The following ADCY7 variants were observed in gnomAD, a reference collection of about 807,000 sequenced individuals.
The protein encoded by ADCY7 is adenylate cyclase type 7.
In ADCY7, 72 loss-of-function variants were observed where a neutral mutation model predicts 120.6. That is an observed-to-expected ratio of 0.60 (90% CI 0.49 to 0.73). The LOEUF (loss-of-function observed/expected upper bound fraction) is 0.73, where lower values mean the gene tolerates loss of function less well. ADCY7 is among the 30% of genes least tolerant of loss of function. The probability of loss-of-function intolerance (pLI) is 0.00; values close to 1 mark genes in which losing one functional copy is unlikely to be tolerated. For synonymous variants in ADCY7, 661 were observed against 628.0 expected, an observed-to-expected ratio of 1.05 and a Z score of -0.78; for missense variants, 1,227 against 1,486.0, an observed-to-expected ratio of 0.83 and a Z score of 2.87.
chr16:50,275,736 T>C (rs2033845121), intron 1 of ADCY7, among the ~76,000 whole-genome samples: 1 of 152,206 alleles, frequency 6.6e-6, no homozygotes, highest in African/African-American at 2.4e-5. Context: ...CCTCAGGAAA[T>C]GCAGATAGAG....
chr16:50,261,287 G>A (rs1165488961), intron 1 of ADCY7, among the ~76,000 whole-genome samples: 3 of 152,184 alleles, frequency 2.0e-5, no homozygotes, highest in Non-Finnish European at 4.4e-5. Flanking sequence ...AAGGCTTCCT[G>A]GTAGAGGCGG....
chr16:50,317,913 CAAACAG>C lies in ADCY7; in HGVS notation c.*2411_*2416del, dbSNP rs959133905. The C allele has an allele frequency of 5.3e-5, 8 of 151,912 alleles. 1 individual carries two copies. The highest frequency in any genetic ancestry group is 4.6e-4 in the Admixed American group (7 of 15,240). 9.4% of individuals were successfully genotyped at this position (151,912 alleles called of 1,614,324 possible). A position where few individuals can be genotyped will look rare whatever the true frequency, so the allele number is the denominator to read the frequency against. On this transcript the variant is annotated 3_prime_UTR_variant, in exon 26 of 26. Transcript: ENST00000673801. ...ATTTCCTAACAAACAAACAAACAAACAAACAGAAGAGAAGATCATTAACCACTGTAT... is the reference window on the plus strand; with the variant it reads ...ATTTCCTAACAAACAAACAAACAAACAAGAGAAGATCATTAACCACTGTAT...
At chr16:50,255,426 T>G (rs1294159466) in intron 1 of ADCY7, among the ~76,000 whole-genome samples, 1 of 99,260 alleles carries the variant, frequency 1.0e-5, no homozygotes, top group Non-Finnish European at 2.0e-5. Context: ...AAAAAAGACG[T>G]ATCAACCAAT....
At chr16:50,313,687 T>C (rs541870147) in intron 22 of ADCY7, 4 of 407,730 alleles carry the variant, frequency 9.8e-6, no homozygotes, top group Non-Finnish European at 8.7e-6. Flanking sequence ...TACATTCCTG[T>C]GTAGATAATG....
chr16:50,286,272 A>G (rs2034572730), intron 1 of ADCY7, among the ~76,000 whole-genome samples: 1 of 149,986 alleles, frequency 6.7e-6, no homozygotes, highest in Non-Finnish European at 1.5e-5. Flanking sequence ...CCCCAGGCTC[A>G]GGTAATTCTC....
At chr16:50,254,464 A>G (rs1280055808) in intron 1 of ADCY7, among the ~76,000 whole-genome samples, 1 of 152,254 alleles carries the variant, frequency 6.6e-6, no homozygotes, top group Admixed American at 6.5e-5. Flanking sequence ...CACAAAAATC[A>G]GTCATGTTTC....
chr16:50,276,362 G>T (rs2033891452), intron 1 of ADCY7, among the ~76,000 whole-genome samples: 1 of 152,204 alleles, frequency 6.6e-6, no homozygotes, highest in East Asian at 1.9e-4. Context: ...GTGGGGACAG[G>T]TGCCGGGCCC....
chr16:50,304,002 G>C (rs2035900109), intron 10 of ADCY7, among the ~76,000 whole-genome samples: 1 of 152,098 alleles, frequency 6.6e-6, no homozygotes, highest in African/African-American at 2.4e-5. Context: ...CTCAAGGGCA[G>C]TGGGGCCTCG....
intron 2 of ADCY7, 39 bp downstream of exon 2, chr16:50,288,389 C>A: frequency 6.7e-7 from 1 of 1,492,578 alleles, no homozygotes. Flanking sequence ...GTCTCGGCCC[C>A]AACCTTGGCC....
intron 1 of ADCY7, among the ~76,000 whole-genome samples, chr16:50,267,489 G>A (rs2033293574): frequency 1.3e-5 from 2 of 152,238 alleles, no homozygotes; most frequent in African/African-American, 4.8e-5. Flanking sequence ...TACGACAGGG[G>A]CCCTGGGTCC....
At chr16:50,288,800 A>G (rs188264045) in intron 2 of ADCY7, among the ~76,000 whole-genome samples, 29 of 152,266 alleles carry the variant, frequency 1.9e-4, no homozygotes, top group African/African-American at 6.7e-4. Flanking sequence ...TTTACAGCAC[A>G]TTTAGACTGG....
chr16:50,262,509 T>C (rs1306478663), upstream of ADCY7, among the ~76,000 whole-genome samples: 8 of 152,242 alleles, frequency 5.3e-5, no homozygotes, highest in East Asian at 1.2e-3. Flanking sequence ...GTATTTTTAT[T>C]AGAGACGGGG....
chr16:50,286,301 T>G (rs1567548617), intron 1 of ADCY7, among the ~76,000 whole-genome samples: 3 of 149,326 alleles, frequency 2.0e-5, no homozygotes, highest in Non-Finnish European at 3.0e-5. Context: ...GCCTCCTGCA[T>G]AGCTGAGGTC....
chr16:50,270,208 T>C (rs2033469795), intron 1 of ADCY7, among the ~76,000 whole-genome samples: 1 of 151,780 alleles, frequency 6.6e-6, no homozygotes. Flanking sequence ...GATAGATAGA[T>C]AGATAGATAG....
At chr16:50,280,672 C>T (rs2150898803) in intron 1 of ADCY7, among the ~76,000 whole-genome samples, 1 of 152,272 alleles carries the variant, frequency 6.6e-6, no homozygotes, top group South Asian at 2.1e-4. Context: ...CTCTCTGGGG[C>T]CAGGTGAGAA....
At chr16:50,286,555 C>T (rs564064171) in intron 1 of ADCY7, among the ~76,000 whole-genome samples, 1 of 152,276 alleles carries the variant, frequency 6.6e-6, no homozygotes, top group African/African-American at 2.4e-5. Context: ...CCCACCTTCC[C>T]TTCCCATTGG....
At chr16:50,254,873 G>C (rs994985717) in intron 1 of ADCY7, among the ~76,000 whole-genome samples, 5 of 108,530 alleles carry the variant, frequency 4.6e-5, no homozygotes, top group African/African-American at 1.8e-4. Flanking sequence ...AACCACAAAA[G>C]ACCCCAAATA....
At chr16:50,302,996 C>G (rs921428106) in intron 10 of ADCY7, among the ~76,000 whole-genome samples, 5 of 152,254 alleles carry the variant, frequency 3.3e-5, no homozygotes, top group African/African-American at 1.2e-4. Flanking sequence ...CCCCGTGGGG[C>G]TCATACCAAT....
chr16:50,310,287 C>T (rs930404582), intron 18 of ADCY7, among the ~76,000 whole-genome samples: 5 of 151,998 alleles, frequency 3.3e-5, no homozygotes, highest in East Asian at 1.9e-4. Flanking sequence ...GCAGGAATGC[C>T]GGGGTGTGAA....
Sources: allele counts gnomAD v4.1 joint callset (sites outside exome capture counted in the v4.1 genomes callset), GRCh38; gene constraint gnomAD v4.1.1; transcripts MANE v1.5; gene names NCBI Gene and HGNC (gene_info 2026-07-23, HGNC 2026-07-21).